Variants in ASTN2 observed in about 807,000 individuals in gnomAD.
The protein encoded by ASTN2 is astrotactin-2.
Under a neutral mutation model 139.8 loss-of-function variants are expected in ASTN2, and 54 were observed. That is an observed-to-expected ratio of 0.39 (90% confidence interval 0.31 to 0.48). ASTN2 has a LOEUF of 0.48. Ranked by LOEUF, ASTN2 falls within the 20% of genes least tolerant of loss-of-function variation. ASTN2 has a pLI of 0.95. For missense variants in ASTN2, 1,565 were observed against 1,725.1 expected (o/e 0.91, Z 1.64); for synonymous variants, 756 against 719.5 (o/e 1.05, Z -0.81).
At chr9:116,849,397 T>G (rs184604597) in intron 11 of ASTN2, among the ~76,000 whole-genome samples, 1 of 152,192 alleles carries the variant, frequency 6.6e-6, no homozygotes, top group Non-Finnish European at 1.5e-5. Flanking sequence ...TAAGGGTGGA[T>G]AGCCATCAGT....
intron 19 of ASTN2, among the ~76,000 whole-genome samples, chr9:116,614,196 C>G (rs1855712449): frequency 2.0e-5 from 3 of 152,160 alleles, no homozygotes; most frequent in African/African-American, 7.2e-5. Context: ...CGAAGAACTA[C>G]AAACCACTGC....
chr9:117,112,664 G>A (rs904105521), intron 4 of ASTN2, among the ~76,000 whole-genome samples: 19 of 152,038 alleles, frequency 1.2e-4, no homozygotes, highest in African/African-American at 3.9e-4. Flanking sequence ...CTTTCTAGGA[G>A]AAAACAGGAG....
At chr9:117,323,283 A>AC (rs1364374439) in intron 1 of ASTN2, among the ~76,000 whole-genome samples, 3 of 151,870 alleles carry the variant, frequency 2.0e-5, no homozygotes, top group Non-Finnish European at 4.4e-5. Flanking sequence ...CCCACCTCTG[A>AC]CCCCCCAAAG....
intron 3 of ASTN2, among the ~76,000 whole-genome samples, chr9:117,149,102 C>T (rs566367222): frequency 1.3e-5 from 2 of 152,168 alleles, no homozygotes; most frequent in South Asian, 2.1e-4. Context: ...TCACTGCAAC[C>T]ACTGCCTCCC....
chr9:117,073,263 C>G (rs1426857558), intron 5 of ASTN2, among the ~76,000 whole-genome samples: 2 of 152,130 alleles, frequency 1.3e-5, no homozygotes, highest in Admixed American at 6.5e-5. Flanking sequence ...CTGACCTCCC[C>G]CACAACTCAT....
intron 10 of ASTN2, among the ~76,000 whole-genome samples, chr9:116,945,516 A>G (rs1382801790): frequency 6.6e-6 from 1 of 152,144 alleles, no homozygotes; most frequent in African/African-American, 2.4e-5. Context: ...TCTTTTATTC[A>G]TACATTCATT....
At chr9:117,336,462 T>C (rs1462801428) in intron 1 of ASTN2, among the ~76,000 whole-genome samples, 3 of 152,154 alleles carry the variant, frequency 2.0e-5, no homozygotes, top group Non-Finnish European at 4.4e-5. Flanking sequence ...AGCGCTTCCC[T>C]ACAGGGACAA....
intron 12 of ASTN2, among the ~76,000 whole-genome samples, chr9:116,812,621 A>C (rs531418479): frequency 6.6e-6 from 1 of 152,340 alleles, no homozygotes; most frequent in East Asian, 1.9e-4. Flanking sequence ...GATTCATTAC[A>C]GAAGCAATAG....
intron 1 of ASTN2, among the ~76,000 whole-genome samples, chr9:117,374,393 A>G (rs947549140): frequency 2.3e-5 from 3 of 131,614 alleles, no homozygotes; most frequent in African/African-American, 8.2e-5. Context: ...AAAAAAAAAA[A>G]GCACAGATCG....
In ASTN2 at chr9:117,147,465, C is replaced by CACACA. The variant is rs61232645; in HGVS notation, c.1016-5988_1016-5987insTGTGT. Among the ~76,000 whole-genome samples the CACACA allele has an allele frequency of 5.1e-3, 736 of 143,562 alleles. 1 individual carries two copies. The highest frequency in any genetic ancestry group is 8.9e-3 in the East Asian group (43 of 4,840). 94.2% of individuals were successfully genotyped at this position (143,562 alleles called of 152,430 possible). ...CACACACACACACACACACACACAC[C>CACACA]CCCGTTATCCACCGTTCTCTTCCCC... is the stretch of plus-strand genomic sequence containing the variant. On this transcript the variant is annotated intron_variant, in intron 3 of 22. Transcript: ENST00000313400.
At chr9:117,395,628 T>C (rs898669480) in intron 1 of ASTN2, among the ~76,000 whole-genome samples, 11 of 152,162 alleles carry the variant, frequency 7.2e-5, no homozygotes, top group African/African-American at 2.7e-4. Flanking sequence ...TCAGGAAATG[T>C]AGTAGCCTTC....
chr9:116,561,312 T>C (rs1169253423), intron 19 of ASTN2, among the ~76,000 whole-genome samples: 1 of 152,172 alleles, frequency 6.6e-6, no homozygotes, highest in Non-Finnish European at 1.5e-5. Context: ...CTCAATGCCT[T>C]GACTGAAAAG....
At chr9:116,500,291 T>G (rs1049425795) in intron 19 of ASTN2, among the ~76,000 whole-genome samples, 7 of 152,202 alleles carry the variant, frequency 4.6e-5, no homozygotes, top group Admixed American at 4.6e-4. Context: ...AAGTGCATGA[T>G]GAGGTGGGCA....
chr9:117,232,003 T>C (rs1267568563), intron 2 of ASTN2, among the ~76,000 whole-genome samples: 4 of 152,136 alleles, frequency 2.6e-5, no homozygotes, highest in African/African-American at 9.7e-5. Flanking sequence ...CAGAAGGGGA[T>C]TAGAAGATCT....
chr9:117,067,275 A>G (rs1587925960), intron 5 of ASTN2, among the ~76,000 whole-genome samples: 1 of 132,268 alleles, frequency 7.6e-6, no homozygotes, highest in Non-Finnish European at 1.7e-5. Flanking sequence ...TCCTTTCCCC[A>G]TTTCTTGTTT....
At chr9:117,176,826 A>G (rs114598440) in intron 3 of ASTN2, among the ~76,000 whole-genome samples, 1,668 of 152,246 alleles carry the variant, frequency 0.011, 38 homozygotes, top group African/African-American at 0.038. Flanking sequence ...CAGCTACTTG[A>G]GAGACTGAGG....
intron 4 of ASTN2, among the ~76,000 whole-genome samples, chr9:117,102,753 C>T (rs1361293308): frequency 6.6e-6 from 1 of 152,100 alleles, no homozygotes; most frequent in Non-Finnish European, 1.5e-5. Flanking sequence ...AACTCCTGAC[C>T]TTAGATGATC....
intron 2 of ASTN2, among the ~76,000 whole-genome samples, chr9:117,282,598 C>G (rs1485004708): frequency 6.6e-6 from 1 of 152,140 alleles, no homozygotes; most frequent in African/African-American, 2.4e-5. Context: ...GCCATTGGCT[C>G]TGGGCTTGGC....
At chr9:117,287,738 A>T (rs1181015926) in intron 2 of ASTN2, among the ~76,000 whole-genome samples, 1 of 152,180 alleles carries the variant, frequency 6.6e-6, no homozygotes, top group Non-Finnish European at 1.5e-5. Flanking sequence ...TATAAGACTA[A>T]AGCCAATGTC....
Sources: allele counts gnomAD v4.1 joint callset (sites outside exome capture counted in the v4.1 genomes callset), GRCh38; gene constraint gnomAD v4.1.1; transcripts MANE v1.5; gene names NCBI Gene and HGNC (gene_info 2026-07-23, HGNC 2026-07-21).